The following LIMS1 variants were observed in gnomAD, a reference collection of about 807,000 sequenced individuals.
LIMS1 encodes the protein LIM zinc finger domain containing 1.
In LIMS1, 18 loss-of-function variants were observed where a neutral mutation model predicts 44.1. The ratio of observed to expected loss-of-function variants is 0.41; its 90% confidence interval spans 0.28 to 0.61. The LOEUF (loss-of-function observed/expected upper bound fraction) is 0.61. LIMS1 is among the 20% of genes least tolerant of loss of function. The pLI is 0.32. For synonymous variants in LIMS1, 93 were observed against 149.1 expected (o/e 0.62, Z 2.74); for missense variants, 201 against 422.0 (o/e 0.48, Z 4.59).
chr2:108,621,189 G>A, intron 1 of LIMS1: 2 of 1,317,186 alleles, frequency 1.5e-6, no homozygotes, highest in Non-Finnish European at 2.0e-6. Flanking sequence ...GTGTGTACCA[G>A]TGAGAAACAG....
Position 108,602,983 on chromosome 2 carries a change from T to C in LIMS1, c.33-56622T>C, listed in dbSNP as rs577157196. Among the ~76,000 whole-genome samples the C allele has an allele frequency of 5.7e-4, 87 of 152,292 alleles. No homozygotes were observed. In the South Asian group the frequency reaches 8.7e-3, roughly 15 times the overall value. On this transcript the variant is annotated intron_variant, in intron 1 of 9. Coordinates refer to ENST00000544547, the Ensembl canonical transcript of LIMS1. ...TATTTGTATTTTTAGGGTTTCGTCA[T>C]GGTACCCAGCCAGGCTGGTCTGGAA...
intron 1 of LIMS1, among the ~76,000 whole-genome samples, chr2:108,554,333 A>G (rs1558785404): frequency 6.6e-6 from 1 of 152,008 alleles, no homozygotes; most frequent in Non-Finnish European, 1.5e-5. Context: ...AGACTAACCC[A>G]TGGCTCCACT....
intron 1 of LIMS1, among the ~76,000 whole-genome samples, chr2:108,624,277 A>G (rs1330671169): frequency 1.3e-5 from 2 of 152,234 alleles, no homozygotes; most frequent in Non-Finnish European, 2.9e-5. Flanking sequence ...CTTTTAAATT[A>G]TGTTGCATTC....
At chr2:108,687,084 A>G (rs1693350806) in exon 10 of LIMS1, 1 of 152,208 alleles carries the variant, frequency 6.6e-6, no homozygotes. Flanking sequence ...CAAAGTAGCC[A>G]TTTCTAAGTT....
In LIMS1 at chr2:108,556,811, A is replaced by T. The variant is rs183125890; in HGVS notation, c.32+22217A>T. Among the ~76,000 whole-genome samples, 19 of 152,304 alleles carry T rather than the reference A, an allele frequency of 1.2e-4. No individual in the cohort carries two copies. The East Asian group carries it at 3.3e-3, about 26-fold the overall frequency. Reference sequence around the variant, plus strand: ...TGCCCCAGGCACAGTGTTGCTTGTGATTAGGCAAATCTGAAGCCTGTTAGC... The same window carrying T: ...TGCCCCAGGCACAGTGTTGCTTGTGTTTAGGCAAATCTGAAGCCTGTTAGC... On this transcript the variant is annotated intron_variant, in intron 1 of 9. Transcript: ENST00000544547.
At chr2:108,589,207 T>G (rs1237670061) in intron 1 of LIMS1, among the ~76,000 whole-genome samples, 1 of 152,100 alleles carries the variant, frequency 6.6e-6, no homozygotes, top group East Asian at 1.9e-4. Flanking sequence ...TGGTCATTTT[T>G]TTAAGTTTTA....
chr2:108,662,832 C>T (rs1039641565), intron 2 of LIMS1: 1 of 788,170 alleles, frequency 1.3e-6, no homozygotes, highest in African/African-American at 1.9e-5. Flanking sequence ...GTCTCGTTAT[C>T]AGAACAACTT....
At chr2:108,550,702 G>C (rs1022934406) in intron 1 of LIMS1, among the ~76,000 whole-genome samples, 7 of 151,130 alleles carry the variant, frequency 4.6e-5, no homozygotes, top group African/African-American at 1.7e-4. Flanking sequence ...TGTAGTCCCA[G>C]TTACTCGGGA....
chr2:108,598,240 C>T (rs1419731268), intron 1 of LIMS1, among the ~76,000 whole-genome samples: 1 of 151,826 alleles, frequency 6.6e-6, no homozygotes, highest in Admixed American at 6.6e-5. Context: ...AGTAAGTTTG[C>T]CAGTATATCA....
chr2:108,589,865 A>G (rs1686292845), intron 1 of LIMS1, among the ~76,000 whole-genome samples: 1 of 152,144 alleles, frequency 6.6e-6, no homozygotes, highest in Non-Finnish European at 1.5e-5. Context: ...TTTAGAAACT[A>G]TTCTAGTTTC....
intron 1 of LIMS1, among the ~76,000 whole-genome samples, chr2:108,606,691 T>A (rs1687286378): frequency 6.6e-6 from 1 of 152,316 alleles, no homozygotes; most frequent in Middle Eastern, 3.4e-3. Flanking sequence ...TAGATTTGTC[T>A]AAAGTTCAGT....
At chr2:108,671,445 C>G (rs1052967033) in intron 3 of LIMS1, among the ~76,000 whole-genome samples, 2 of 152,096 alleles carry the variant, frequency 1.3e-5, no homozygotes, top group Non-Finnish European at 2.9e-5. Flanking sequence ...CAACCTTTAC[C>G]AACTTGCTTT....
chr2:108,537,877 T>G (rs181656404), intron 1 of LIMS1, among the ~76,000 whole-genome samples: 2 of 152,312 alleles, frequency 1.3e-5, no homozygotes, highest in African/African-American at 4.8e-5. Flanking sequence ...TCAGAGAAAC[T>G]TCCATAGCTG....
chr2:108,662,305 C>T, intron 2 of LIMS1: 3 of 1,611,842 alleles, frequency 1.9e-6, no homozygotes, highest in Non-Finnish European at 2.5e-6. Flanking sequence ...CATTTAGGCC[C>T]TGTCAGCTGT....
intron 1 of LIMS1, among the ~76,000 whole-genome samples, chr2:108,616,795 TC>T (rs1687957604): frequency 6.6e-6 from 1 of 152,184 alleles, no homozygotes; most frequent in Admixed American, 6.5e-5. Context: ...GCCCTGTTCT[TC>T]CTTCAAATTT....
Position 108,534,382 on chromosome 2 carries a change from C to T in LIMS1, c.-181C>T, listed in dbSNP as rs563135276. Reference sequence around the variant, plus strand: ...CCGCTCCCGCCCCTCCCCCGCCTTCCCGCGCGGCCCGCCTCGCCTTCCCCC... The same window carrying T: ...CCGCTCCCGCCCCTCCCCCGCCTTCTCGCGCGGCCCGCCTCGCCTTCCCCC... On this transcript the variant is annotated 5_prime_UTR_variant, in exon 1 of 10. Transcript: ENST00000544547. The T allele has an allele frequency of 4.0e-3, 1,154 of 287,776 alleles. 8 individuals are homozygous for T. The highest frequency in any genetic ancestry group is 0.03 in the South Asian group (194 of 6,458). The allele number at this position is 287,776 out of a possible 1,614,324, so 17.8% of individuals were successfully genotyped here.
At chr2:108,594,982 A>G (rs1017155303) in intron 1 of LIMS1, among the ~76,000 whole-genome samples, 4 of 152,238 alleles carry the variant, frequency 2.6e-5, no homozygotes, top group African/African-American at 9.6e-5. Flanking sequence ...GGGGCAAGAA[A>G]GCAGCTTCAC....
intron 1 of LIMS1, among the ~76,000 whole-genome samples, chr2:108,610,759 T>A (rs1281057090): frequency 2.0e-5 from 3 of 152,256 alleles, no homozygotes; most frequent in Non-Finnish European, 4.4e-5. Context: ...TCTCTCTTAA[T>A]CTGCAGGAAA....
At chr2:108,685,791 T>A (rs1350887464) in exon 10 of LIMS1, 1 of 152,326 alleles carries the variant, frequency 6.6e-6, no homozygotes, top group South Asian at 2.1e-4. Flanking sequence ...TTATTAAATA[T>A]TATGCTATGA....
Sources: gnomAD v4.1 joint callset for allele counts (sites outside exome capture counted in the v4.1 genomes callset) on GRCh38, gnomAD v4.1.1 for gene constraint, MANE v1.5 for transcripts, NCBI Gene and HGNC (gene_info 2026-07-23, HGNC 2026-07-21) for gene names.